RARB: variants seen among roughly 807,000 people sequenced by gnomAD.
The protein encoded by RARB is retinoic acid receptor beta.
In RARB, 17 loss-of-function variants were observed where a neutral mutation model predicts 51.9. The ratio of observed to expected loss-of-function variants is 0.33; its 90% CI spans 0.22 to 0.49. The LOEUF (loss-of-function observed/expected upper bound fraction) is 0.49. Among genes scored for constraint, RARB ranks in the 20% least tolerant of loss-of-function variants. RARB has a pLI of 0.99. For missense variants in RARB, 369 were observed against 550.8 expected, an observed-to-expected ratio of 0.67 and a Z score of 3.30; for synonymous variants, 215 against 195.4, an observed-to-expected ratio of 1.10 and a Z score of -0.84.
intron 5 of RARB, among the ~76,000 whole-genome samples, chr3:25,418,006 T>C (rs7648325): frequency 0.65 from 99,387 of 152,070 alleles, 33,415 homozygotes; most frequent in East Asian, 0.82. Flanking sequence ...TATGTAGAGT[T>C]CTGCAGTATT....
Position 25,081,586 on chromosome 3 carries a change from CATATATATATATATATATATAT to C in RARB, c.-328+21425_-328+21446del, listed in dbSNP as rs1161956011. Among the ~76,000 whole-genome samples, 38 of 19,640 alleles carry C rather than the reference CATATATATATATATATATATAT, an allele frequency of 1.9e-3. 3 individuals carry two copies. The South Asian group carries it at 0.083, about 43-fold the overall frequency. The allele number at this position is 19,640 out of a possible 152,430, so 12.9% of individuals were successfully genotyped here. A position where few individuals can be genotyped will look rare whatever the true frequency, so the allele number is the denominator to read the frequency against. On this transcript the variant is annotated intron_variant, in intron 3 of 11. Coordinates refer to the RARB transcript ENST00000383772. ...CTTTTGCTAGTGTTTGCTTCATATA[CATATATATATATATATATATAT>C]ATATATATATATATTTTTTTTTTTT...
intron 2 of RARB, among the ~76,000 whole-genome samples, chr3:25,007,442 A>G (rs913763847): frequency 1.3e-5 from 2 of 151,926 alleles, no homozygotes; most frequent in Non-Finnish European, 2.9e-5. Context: ...CCTAGCCAAC[A>G]TAGTGAAACC....
At chr3:24,935,020 G>C (rs1168633561) in intron 2 of RARB, among the ~76,000 whole-genome samples, 1 of 152,014 alleles carries the variant, frequency 6.6e-6, no homozygotes, top group African/African-American at 2.4e-5. Context: ...CTATAATATT[G>C]GTTTACATCC....
At chr3:25,439,135 GTGTTTGTGCTAGAGAGTGTCT>G (rs1352481070) in intron 1 of RARB, among the ~76,000 whole-genome samples, 1 of 152,164 alleles carries the variant, frequency 6.6e-6, no homozygotes, top group Non-Finnish European at 1.5e-5. Flanking sequence ...TGGGTGCTAA[GTGTTTGTGCTAGAGAGTGTCT>G]CTTCATTAAG....
intron 2 of RARB, among the ~76,000 whole-genome samples, chr3:25,040,622 G>A (rs949374352): frequency 2.0e-5 from 3 of 152,024 alleles, no homozygotes; most frequent in East Asian, 1.9e-4. Context: ...TGTCCTGCTC[G>A]GGAGACTGAG....
At position 24,908,976 on chromosome 3, in the gene RARB, G is replaced by A. The variant is rs1694932295; in HGVS notation, c.-380+50224G>A. 2.0e-5 allele frequency among the ~76,000 whole-genome samples: 3 copies of A among 152,056 alleles called. No homozygotes were observed. In the South Asian group the frequency reaches 6.2e-4, roughly 32 times the overall value. On this transcript the variant is annotated intron_variant, in intron 2 of 11. Coordinates refer to the RARB transcript ENST00000383772. ...TTCCATGATATGTCAATTTGCTGAA[G>A]ACTTCAGTAGAAAAGAATGCTATTA... is the stretch of plus-strand genomic sequence containing the variant.
chr3:25,188,080 T>G (rs1490568312), intron 5 of RARB, among the ~76,000 whole-genome samples: 1 of 152,142 alleles, frequency 6.6e-6, no homozygotes, highest in African/African-American at 2.4e-5. Context: ...AAATATTAAG[T>G]ATCAAGACAA....
chr3:25,155,900 G>A (rs1374200424), intron 4 of RARB, among the ~76,000 whole-genome samples: 1 of 152,184 alleles, frequency 6.6e-6, no homozygotes, highest in Admixed American at 6.5e-5. Flanking sequence ...CTTCCCTGGT[G>A]TTTGCCTGTT....
chr3:24,987,372 A>G (rs1230935895), intron 2 of RARB, among the ~76,000 whole-genome samples: 1 of 152,240 alleles, frequency 6.6e-6, no homozygotes, highest in Non-Finnish European at 1.5e-5. Flanking sequence ...GACTATTAAA[A>G]AGAGAGCAGC....
rs369902613 is a variant in RARB, at chr3:25,181,515, A to G, written c.178+6940A>G. ...CATGCTCATTGGGAGCGCTGTAGAG[A>G]TTTAGTGGGCAGAAGCTAGGAGGCT... On this transcript the variant is annotated intron_variant, in intron 5 of 11. Transcript: ENST00000383772. 6.5e-4 allele frequency among the ~76,000 whole-genome samples: 99 copies of G among 152,166 alleles called. 1 individual carries two copies. The South Asian group carries it at 0.02, about 31-fold the overall frequency.
intron 3 of RARB, among the ~76,000 whole-genome samples, chr3:25,132,092 A>G (rs1410634049): frequency 6.6e-6 from 1 of 151,888 alleles, no homozygotes; most frequent in Non-Finnish European, 1.5e-5. Context: ...ACCATATTGT[A>G]AAAAAGTTTA....
chr3:24,917,536 T>C (rs549100354), intron 2 of RARB, among the ~76,000 whole-genome samples: 1 of 152,336 alleles, frequency 6.6e-6, no homozygotes, highest in South Asian at 2.1e-4. Context: ...ATATGCTCAA[T>C]GTCATTAGTC....
intron 2 of RARB, among the ~76,000 whole-genome samples, chr3:24,934,465 C>T (rs1695508376): frequency 6.6e-6 from 1 of 152,012 alleles, no homozygotes; most frequent in Admixed American, 6.6e-5. Flanking sequence ...GGGATCATAC[C>T]ACACACTATG....
At chr3:25,374,474 G>C (rs995380441) in intron 5 of RARB, among the ~76,000 whole-genome samples, 1 of 152,068 alleles carries the variant, frequency 6.6e-6, no homozygotes, top group African/African-American at 2.4e-5. Context: ...TAGCTTGAAG[G>C]GTGAAGGGAA....
chr3:25,403,754 T>A (rs1707327938), intron 5 of RARB, among the ~76,000 whole-genome samples: 1 of 151,994 alleles, frequency 6.6e-6, no homozygotes, highest in Non-Finnish European at 1.5e-5. Context: ...TGGAAAAATC[T>A]GGCTTCTTTG....
At chr3:25,232,603 G>T (rs1332741683) in intron 5 of RARB, among the ~76,000 whole-genome samples, 2 of 151,922 alleles carry the variant, frequency 1.3e-5, no homozygotes, top group Non-Finnish European at 2.9e-5. Flanking sequence ...TTATATTTAT[G>T]TCTAAGTATC....
At chr3:25,327,014 G>A (rs527421766) in intron 5 of RARB, among the ~76,000 whole-genome samples, 31 of 151,528 alleles carry the variant, frequency 2.0e-4, no homozygotes, top group African/African-American at 4.6e-4. Context: ...AACAGTCCCC[G>A]GTGTGTGATG....
At chr3:25,337,392 G>A (rs528989647) in intron 5 of RARB, among the ~76,000 whole-genome samples, 2 of 152,246 alleles carry the variant, frequency 1.3e-5, no homozygotes, top group East Asian at 3.9e-4. Flanking sequence ...AGAATCTACA[G>A]CATTTATTTG....
At chr3:25,569,267 T>C (rs1700619228) in intron 3 of RARB, among the ~76,000 whole-genome samples, 1 of 151,684 alleles carries the variant, frequency 6.6e-6, no homozygotes, top group East Asian at 1.9e-4. Flanking sequence ...CTCAGATGAG[T>C]TTCTTCAAAA....
Sources: allele counts gnomAD v4.1 joint callset (sites outside exome capture counted in the v4.1 genomes callset), GRCh38; gene constraint gnomAD v4.1.1; transcripts MANE v1.5; gene names NCBI Gene and HGNC (gene_info 2026-07-23, HGNC 2026-07-21).